SHISA9: variants seen among roughly 807,000 people sequenced by gnomAD.
The protein encoded by SHISA9 is shisa family member 9.
A neutral mutation model predicts 38.0 loss-of-function variants in SHISA9; 13 were observed. The ratio of observed to expected loss-of-function variants is 0.34; its 90% CI spans 0.22 to 0.54. The LOEUF is 0.54. SHISA9 is among the 20% of genes least tolerant of loss of function. The pLI is 0.91. For synonymous variants in SHISA9, 275 were observed against 242.0 expected, an observed-to-expected ratio of 1.14 and a Z score of -1.27; for missense variants, 538 against 575.8, an observed-to-expected ratio of 0.93 and a Z score of 0.67.
chr16:13,521,433 T>G, the SHISA9 span, among the ~76,000 whole-genome samples: 1 of 152,216 alleles, frequency 6.6e-6, no homozygotes, highest in East Asian at 1.9e-4. Flanking sequence ...TCACACATAT[T>G]TATTTACACA....
At chr16:13,491,383 T>C in the SHISA9 span, among the ~76,000 whole-genome samples, 2 of 49,398 alleles carry the variant, frequency 4.0e-5, no homozygotes, top group Non-Finnish European at 1.0e-4. Flanking sequence ...TTTCAGAGCC[T>C]TTTTTTTTTT....
chr16:13,099,654 C>T (rs2073859825), intron 2 of SHISA9, among the ~76,000 whole-genome samples: 2 of 152,120 alleles, frequency 1.3e-5, no homozygotes, highest in African/African-American at 4.8e-5. Context: ...AAGAGTGTAG[C>T]ATGGCTGGAC....
At chr16:13,056,705 C>T (rs117177363) in intron 2 of SHISA9, among the ~76,000 whole-genome samples, 1,727 of 152,274 alleles carry the variant, frequency 0.011, 71 homozygotes, top group East Asian at 0.11. Flanking sequence ...ACTTGCCTTC[C>T]GCTTCACAGT....
chr16:13,166,459 G>A (rs1414308865), intron 2 of SHISA9, among the ~76,000 whole-genome samples: 2 of 152,086 alleles, frequency 1.3e-5, no homozygotes, highest in Admixed American at 1.3e-4. Context: ...GGCAAGATTG[G>A]AGAGACTTTT....
chr16:12,988,862 AAAG>A (rs1228061861), intron 2 of SHISA9, among the ~76,000 whole-genome samples: 1 of 152,116 alleles, frequency 6.6e-6, no homozygotes, highest in African/African-American at 2.4e-5. Context: ...AAATTTAAAA[AAAG>A]GAGTACTTGT....
At chr16:13,562,114 A>T in the SHISA9 span, among the ~76,000 whole-genome samples, 1 of 152,190 alleles carries the variant, frequency 6.6e-6, no homozygotes. Context: ...CATCTTTCTG[A>T]CATGAAAAGT....
the SHISA9 span, among the ~76,000 whole-genome samples, chr16:13,396,695 G>T: frequency 6.6e-6 from 1 of 152,126 alleles, no homozygotes; most frequent in South Asian, 2.1e-4. Flanking sequence ...CAGGGCTTTT[G>T]CACGTACTGG....
At chr16:13,559,185 C>A in the SHISA9 span, among the ~76,000 whole-genome samples, 1 of 152,024 alleles carries the variant, frequency 6.6e-6, no homozygotes, top group Non-Finnish European at 1.5e-5. Context: ...GACACAGTAT[C>A]GAGTTTATTT....
Position 12,995,749 on chromosome 16 carries a change from G to A in SHISA9, c.691+78934G>A, listed in dbSNP as rs542473375. On this transcript the variant is annotated intron_variant, in intron 2 of 4. Coordinates refer to ENST00000558583, the MANE Select transcript of SHISA9 (RefSeq NM_001145204.3). ...TCATTTCTAGGTATTTATTTATAAA[G>A]AAAATTCTGCCTTCAGATTTTAATT... Among the ~76,000 whole-genome samples, 7 of 152,270 alleles carry A rather than the reference G, an allele frequency of 4.6e-5. No homozygotes were observed. The East Asian group carries it at 1.2e-3, about 25-fold the overall frequency.
intron 3 of SHISA9, among the ~76,000 whole-genome samples, chr16:13,209,712 C>G (rs556553570): frequency 6.6e-6 from 1 of 152,298 alleles, no homozygotes; most frequent in South Asian, 2.1e-4. Context: ...GTTAAGCATA[C>G]AAGTTCCCTG....
At chr16:13,502,004 A>AAT in the SHISA9 span, among the ~76,000 whole-genome samples, 1 of 152,010 alleles carries the variant, frequency 6.6e-6, no homozygotes, top group Non-Finnish European at 1.5e-5. Flanking sequence ...TCCGTATCAA[A>AAT]AAAAAAAAAA....
At chr16:13,543,154 TC>T in the SHISA9 span, among the ~76,000 whole-genome samples, 10 of 152,306 alleles carry the variant, frequency 6.6e-5, 1 homozygote, top group Admixed American at 5.9e-4. Context: ...GTCTCTGGCC[TC>T]CTTGAAAGCA....
the SHISA9 span, among the ~76,000 whole-genome samples, chr16:13,311,540 A>G: frequency 1.3e-5 from 2 of 152,174 alleles, no homozygotes; most frequent in Admixed American, 6.5e-5. Flanking sequence ...GTGGGTTTCA[A>G]GTAGCTTGGG....
At chr16:13,134,385 G>A (rs1874294727) in intron 2 of SHISA9, among the ~76,000 whole-genome samples, 2 of 152,168 alleles carry the variant, frequency 1.3e-5, no homozygotes, top group South Asian at 4.2e-4. Context: ...TCTCTTGAGT[G>A]CCTGACAATG....
At chr16:12,987,468 A>G (rs2072327079) in intron 2 of SHISA9, among the ~76,000 whole-genome samples, 1 of 152,218 alleles carries the variant, frequency 6.6e-6, no homozygotes, top group Non-Finnish European at 1.5e-5. Flanking sequence ...GCTGGAAGCC[A>G]TCCTCCTCAG....
At chr16:13,139,100 T>C (rs1369067860) in intron 2 of SHISA9, among the ~76,000 whole-genome samples, 1 of 152,178 alleles carries the variant, frequency 6.6e-6, no homozygotes, top group Non-Finnish European at 1.5e-5. Flanking sequence ...CTCAGAAATA[T>C]CATCCTTTCT....
the SHISA9 span, among the ~76,000 whole-genome samples, chr16:13,517,360 A>C: frequency 3.3e-5 from 5 of 152,194 alleles, no homozygotes; most frequent in Admixed American, 6.5e-5. Flanking sequence ...ATTCTAAGCC[A>C]TCCAATTTGT....
intron 2 of SHISA9, among the ~76,000 whole-genome samples, chr16:13,056,828 A>G (rs567139338): frequency 6.6e-6 from 1 of 152,350 alleles, no homozygotes; most frequent in Admixed American, 6.5e-5. Context: ...GGAAAAGGGT[A>G]CTTGAATTCA....
the SHISA9 span, among the ~76,000 whole-genome samples, chr16:13,412,901 A>G: frequency 6.6e-6 from 1 of 152,216 alleles, no homozygotes; most frequent in African/African-American, 2.4e-5. Context: ...CAAAAAGGAG[A>G]AAGACAATTA....
Sources: allele counts gnomAD v4.1 joint callset (sites outside exome capture counted in the v4.1 genomes callset), GRCh38; gene constraint gnomAD v4.1.1; transcripts MANE v1.5; gene names NCBI Gene and HGNC (gene_info 2026-07-23, HGNC 2026-07-21).